KLHL20: variants seen among roughly 807,000 people sequenced by gnomAD.
KLHL20 encodes kelch-like protein 20.
In KLHL20, 29 loss-of-function variants were observed where a neutral mutation model predicts 69.5. The ratio of observed to expected loss-of-function variants is 0.42; its 90% CI spans 0.31 to 0.57. The LOEUF is 0.57. KLHL20 is among the 20% of genes least tolerant of loss of function. The pLI is 0.18. For missense variants in KLHL20, 419 were observed against 776.0 expected (o/e 0.54, Z 5.47); for synonymous variants, 253 against 265.2 (o/e 0.95, Z 0.45).
chr1:173,771,573 T>C (rs1648093102), intron 8 of KLHL20, among the ~76,000 whole-genome samples: 1 of 152,084 alleles, frequency 6.6e-6, no homozygotes, highest in South Asian at 2.1e-4. Context: ...CTAGGCAACA[T>C]AGTAAGACCC....
At chr1:173,765,464 C>T (rs1647638884) in intron 7 of KLHL20, among the ~76,000 whole-genome samples, 1 of 151,536 alleles carries the variant, frequency 6.6e-6, no homozygotes, top group Non-Finnish European at 1.5e-5. Context: ...GATCGTGCCA[C>T]TGTACTCCAG....
At chr1:173,735,261 C>T (rs950035995) in intron 3 of KLHL20, among the ~76,000 whole-genome samples, 1 of 152,114 alleles carries the variant, frequency 6.6e-6, no homozygotes, top group African/African-American at 2.4e-5. Flanking sequence ...GCCTGGGCAA[C>T]ATGGCGAAAC....
At chr1:173,723,840 A>G (rs1163328126) in intron 2 of KLHL20, among the ~76,000 whole-genome samples, 1 of 152,190 alleles carries the variant, frequency 6.6e-6, no homozygotes, top group African/African-American at 2.4e-5. Context: ...TGGATGTGAG[A>G]TATTTCACTT....
intron 2 of KLHL20, 28 bp downstream of exon 2, chr1:173,716,094 T>G: frequency 6.2e-7 from 1 of 1,609,070 alleles, no homozygotes; most frequent in Non-Finnish European, 8.5e-7. Context: ...AAACCTTTGG[T>G]TTCACTGATT....
chr1:173,761,303 C>G (rs1647284540), intron 7 of KLHL20, among the ~76,000 whole-genome samples: 1 of 152,102 alleles, frequency 6.6e-6, no homozygotes, highest in South Asian at 2.1e-4. Flanking sequence ...CTTCAATATT[C>G]CACTGACAGC....
chr1:173,736,420 T>C (rs985773412), intron 3 of KLHL20, among the ~76,000 whole-genome samples: 9 of 152,178 alleles, frequency 5.9e-5, no homozygotes, highest in African/African-American at 2.2e-4. Flanking sequence ...TTTCATATAA[T>C]GACTTCTTTT....
chr1:173,719,104 C>CAAAAAAAA (rs751845202), intron 2 of KLHL20, among the ~76,000 whole-genome samples: 3 of 106,132 alleles, frequency 2.8e-5, no homozygotes, highest in African/African-American at 4.6e-5. Context: ...GACTCCGTCT[C>CAAAAAAAA]AAAAAAAAAA....
intron 3 of KLHL20, among the ~76,000 whole-genome samples, chr1:173,736,694 C>G (rs1048375157): frequency 6.6e-6 from 1 of 151,868 alleles, no homozygotes; most frequent in Admixed American, 6.6e-5. Flanking sequence ...CTCCCGGGTT[C>G]AAGCGATTCT....
intron 11 of KLHL20, 64 bp downstream of exon 11, chr1:173,782,294 G>A: frequency 1.6e-6 from 2 of 1,218,082 alleles, no homozygotes; most frequent in Non-Finnish European, 2.4e-6. Context: ...GCTTGAAATA[G>A]CCTATGACCA....
chr1:173,716,039 G>A lies in KLHL20; in HGVS notation c.-5G>A, dbSNP rs1427985242. On this transcript the variant is annotated 5_prime_UTR_variant, in exon 2 of 12. It removes an upstream start codon present in the reference 5' UTR. Transcript: ENST00000209884. ...GAGTGTGGTGAAGGGTACTTTTCATGGTGCATGGAAGGAAAGCCAATGCGC... is the reference window on the plus strand; with the variant it reads ...GAGTGTGGTGAAGGGTACTTTTCATAGTGCATGGAAGGAAAGCCAATGCGC... 6.2e-7 allele frequency: 1 copy of A among 1,613,234 alleles called. No individual in the cohort carries two copies. The highest frequency in any genetic ancestry group is 1.1e-5 in the South Asian group (1 of 90,950).
chr1:173,758,798 G>A (rs941269258), intron 7 of KLHL20, among the ~76,000 whole-genome samples: 2 of 152,220 alleles, frequency 1.3e-5, no homozygotes, highest in Non-Finnish European at 2.9e-5. Context: ...CAGAGGAGCA[G>A]GGGATAAAAC....
intron 7 of KLHL20, among the ~76,000 whole-genome samples, chr1:173,759,006 ACAGACT>A (rs1300288841): frequency 1.3e-5 from 2 of 152,162 alleles, no homozygotes; most frequent in Non-Finnish European, 2.9e-5. Flanking sequence ...TGGCCTGGAA[ACAGACT>A]CAGAGTTGTG....
intron 8 of KLHL20, among the ~76,000 whole-genome samples, chr1:173,774,004 A>G (rs1473768231): frequency 8.0e-6 from 1 of 125,542 alleles, no homozygotes; most frequent in African/African-American, 3.2e-5. Context: ...ACAGACCAAG[A>G]CTCCATCTCA....
chr1:173,731,227 G>A (rs1290273504), intron 2 of KLHL20, among the ~76,000 whole-genome samples: 1 of 152,206 alleles, frequency 6.6e-6, no homozygotes, highest in Non-Finnish European at 1.5e-5. Flanking sequence ...ACAGGTGCTG[G>A]AGAGGATGTG....
intron 8 of KLHL20, among the ~76,000 whole-genome samples, chr1:173,768,760 C>T (rs1268050011): frequency 1.3e-5 from 2 of 152,104 alleles, no homozygotes; most frequent in Non-Finnish European, 2.9e-5. Context: ...TGTTTTACCA[C>T]AATTTAAAAA....
At chr1:173,770,279 G>A (rs1648000660) in intron 8 of KLHL20, among the ~76,000 whole-genome samples, 1 of 152,048 alleles carries the variant, frequency 6.6e-6, no homozygotes, top group African/African-American at 2.4e-5. Flanking sequence ...TGAAGTGACA[G>A]AACTCAGAAA....
At position 173,738,102 on chromosome 1, in the gene KLHL20, C is replaced by T. The variant is rs1672621408; in HGVS notation, c.597+3816C>T. On this transcript the variant is annotated intron_variant, in intron 3 of 11. Transcript: ENST00000209884. ...TGAATTCATTTACCAGTTCTTGGAG[C>T]TTTTTGGATGAGTCTTTAGGGTTTT... is the stretch of plus-strand genomic sequence containing the variant. Among the ~76,000 whole-genome samples the T allele has an allele frequency of 5.9e-5, 9 of 152,140 alleles. No individual in the cohort carries two copies. In the South Asian group the frequency reaches 1.7e-3, roughly 28 times the overall value.
chr1:173,783,962 C>T (rs370846102), intron 11 of KLHL20, among the ~76,000 whole-genome samples: 1 of 152,114 alleles, frequency 6.6e-6, no homozygotes, highest in East Asian at 1.9e-4. Context: ...GCCTGTAATC[C>T]CAGCTACTAG....
intron 2 of KLHL20, among the ~76,000 whole-genome samples, chr1:173,722,435 A>G (rs1053906974): frequency 6.6e-6 from 1 of 151,804 alleles, no homozygotes; most frequent in African/African-American, 2.4e-5. Context: ...CAGCCTGGGA[A>G]ACAGAGAGAG....
Sources: allele counts gnomAD v4.1 joint callset (sites outside exome capture counted in the v4.1 genomes callset), GRCh38; gene constraint gnomAD v4.1.1; transcripts MANE v1.5; gene names NCBI Gene and HGNC (gene_info 2026-07-23, HGNC 2026-07-21).